Variants in FAM227B observed in about 807,000 individuals in gnomAD.
FAM227B encodes the protein family with sequence similarity 227 member B.
In FAM227B, 88 loss-of-function variants were observed where a neutral mutation model predicts 73.8. The observed-to-expected ratio is 1.19, with a 90% confidence interval of 1.00 to 1.42. The LOEUF (loss-of-function observed/expected upper bound fraction) is 1.42, where lower values mean the gene tolerates loss of function less well. Among genes scored for constraint, FAM227B ranks in the 40% most tolerant of loss-of-function variants. The probability of loss-of-function intolerance (pLI) is 0.00; values close to 1 mark genes in which losing one functional copy is unlikely to be tolerated. For synonymous variants in FAM227B, 210 were observed against 190.5 expected, an observed-to-expected ratio of 1.10 and a Z score of -0.84; for missense variants, 632 against 590.9, an observed-to-expected ratio of 1.07 and a Z score of -0.72.
At chr15:49,617,062 G>C (rs1185597590) in intron 1 of FAM227B, among the ~76,000 whole-genome samples, 1 of 151,938 alleles carries the variant, frequency 6.6e-6, no homozygotes, top group African/African-American at 2.4e-5. Flanking sequence ...TTAAATGTTT[G>C]AGAAACTTCC....
In FAM227B at chr15:49,412,531, T is replaced by C. The variant is rs191673900; in HGVS notation, c.1013-41132A>G. On this transcript the variant is annotated intron_variant, in intron 11 of 15. Coordinates refer to ENST00000299338, the MANE Select transcript of FAM227B (RefSeq NM_152647.3). The stretch of plus-strand genomic sequence containing the variant: ...TTTTTTTTTCTCAGTGTCACAAGAA[T>C]TGATTTGAACACGAAGTACATTGAC... Among the ~76,000 whole-genome samples the C allele has an allele frequency of 3.6e-3, 544 of 152,124 alleles. 3 individuals are homozygous for C. The highest frequency in any genetic ancestry group is 0.013 in the African/African-American group (521 of 41,526).
chr15:49,333,564 G>A (rs141656418), intron 14 of FAM227B, among the ~76,000 whole-genome samples: 1 of 152,130 alleles, frequency 6.6e-6, no homozygotes, highest in Non-Finnish European at 1.5e-5. Flanking sequence ...GCAGAAAGCT[G>A]GGTGATAAAG....
At chr15:49,528,816 T>A (rs2060398766) in intron 10 of FAM227B, among the ~76,000 whole-genome samples, 1 of 151,340 alleles carries the variant, frequency 6.6e-6, no homozygotes, top group Non-Finnish European at 1.5e-5. Context: ...TATCAAAAAG[T>A]CAAAAATAAC....
chr15:49,428,799 C>T (rs1270890782), intron 11 of FAM227B, among the ~76,000 whole-genome samples: 2 of 151,962 alleles, frequency 1.3e-5, no homozygotes, highest in African/African-American at 4.8e-5. Context: ...TATAATGAAG[C>T]ACTGTTAGTT....
intron 4 of FAM227B, 139 bp downstream of exon 4, chr15:49,589,637 G>T (rs549447619): frequency 1.6e-6 from 1 of 614,968 alleles, no homozygotes; most frequent in African/African-American, 1.9e-5. Flanking sequence ...GACTGGCCAG[G>T]TGCACTGGCT....
At chr15:49,617,823 G>C (rs2078392438) in intron 1 of FAM227B, among the ~76,000 whole-genome samples, 1 of 151,114 alleles carries the variant, frequency 6.6e-6, no homozygotes, top group Non-Finnish European at 1.5e-5. Flanking sequence ...TTTCACTCTT[G>C]TCGCCCAGCA....
intron 9 of FAM227B, among the ~76,000 whole-genome samples, chr15:49,558,220 C>T (rs1399369393): frequency 6.6e-6 from 1 of 152,232 alleles, no homozygotes; most frequent in African/African-American, 2.4e-5. Flanking sequence ...ACCCACACTG[C>T]TCCTTGCAAG....
chr15:49,592,388 T>C (rs1221622295), intron 3 of FAM227B, among the ~76,000 whole-genome samples: 2 of 152,234 alleles, frequency 1.3e-5, no homozygotes, highest in African/African-American at 4.8e-5. Flanking sequence ...ATGCTATTCC[T>C]TTCTGTTTCA....
chr15:49,608,225 TAAG>T (rs1382862999), intron 3 of FAM227B, among the ~76,000 whole-genome samples: 2 of 148,882 alleles, frequency 1.3e-5, no homozygotes, highest in Non-Finnish European at 2.9e-5. Flanking sequence ...TAGTGATAAG[TAAG>T]AAGAACATTT....
chr15:49,454,069 G>A (rs1274895805), intron 11 of FAM227B, among the ~76,000 whole-genome samples: 1 of 152,172 alleles, frequency 6.6e-6, no homozygotes, highest in Non-Finnish European at 1.5e-5. Flanking sequence ...TAGAAAAGAT[G>A]TGTCAGACAG....
intron 11 of FAM227B, among the ~76,000 whole-genome samples, chr15:49,439,513 T>C (rs2051432708): frequency 6.6e-6 from 1 of 151,756 alleles, no homozygotes; most frequent in East Asian, 1.9e-4. Flanking sequence ...CTAACTACCA[T>C]GCATGGTTTT....
intron 11 of FAM227B, among the ~76,000 whole-genome samples, chr15:49,385,959 A>C (rs1174475012): frequency 6.6e-6 from 1 of 151,918 alleles, no homozygotes; most frequent in East Asian, 1.9e-4. Flanking sequence ...TTACAATCCT[A>C]AATTTATATG....
intron 9 of FAM227B, among the ~76,000 whole-genome samples, chr15:49,566,566 A>G (rs1464581334): frequency 6.6e-6 from 1 of 152,212 alleles, no homozygotes; most frequent in Non-Finnish European, 1.5e-5. Context: ...CTTAAATATT[A>G]ATACATTTAT....
chr15:49,581,853 A>G (rs533499329), intron 5 of FAM227B, among the ~76,000 whole-genome samples: 1 of 152,314 alleles, frequency 6.6e-6, no homozygotes, highest in East Asian at 1.9e-4. Flanking sequence ...TGACACTAAA[A>G]AGTACCCACA....
intron 11 of FAM227B, chr15:49,396,105 G>A (rs926879114): frequency 2.5e-6 from 1 of 408,090 alleles, no homozygotes; most frequent in African/African-American, 2.1e-5. Context: ...TCACTAGGGA[G>A]TGCCAGACAG....
At chr15:49,497,459 A>C (rs1298292349) in intron 11 of FAM227B, among the ~76,000 whole-genome samples, 1 of 152,190 alleles carries the variant, frequency 6.6e-6, no homozygotes, top group Non-Finnish European at 1.5e-5. Flanking sequence ...GGAATGTTTC[A>C]GTTTCTCACC....
At chr15:49,528,270 T>C (rs1254917746) in intron 10 of FAM227B, among the ~76,000 whole-genome samples, 2 of 151,846 alleles carry the variant, frequency 1.3e-5, no homozygotes, top group African/African-American at 2.4e-5. Flanking sequence ...ATTCAATAAA[T>C]GGTGCTGGGA....
At chr15:49,430,090 T>C (rs2050461891) in intron 11 of FAM227B, among the ~76,000 whole-genome samples, 1 of 151,936 alleles carries the variant, frequency 6.6e-6, no homozygotes, top group South Asian at 2.1e-4. Flanking sequence ...AGGGTTCTTC[T>C]GGGCTCATCT....
At chr15:49,572,320 TTTTA>T (rs1238994056) in intron 8 of FAM227B, among the ~76,000 whole-genome samples, 1 of 152,094 alleles carries the variant, frequency 6.6e-6, no homozygotes, top group Non-Finnish European at 1.5e-5. Context: ...ATTAGGATAC[TTTTA>T]TTTCTTTCTC....
Sources: allele counts gnomAD v4.1 joint callset (sites outside exome capture counted in the v4.1 genomes callset), GRCh38; gene constraint gnomAD v4.1.1; transcripts MANE v1.5; gene names NCBI Gene and HGNC (gene_info 2026-07-23, HGNC 2026-07-21).